PDS5B: variants seen among roughly 807,000 people sequenced by gnomAD.
The protein encoded by PDS5B is PDS5 cohesin associated factor B.
PDS5B carries 51 observed loss-of-function variants against 184.1 expected under a neutral mutation model. The ratio of observed to expected loss-of-function variants is 0.28; its 90% confidence interval spans 0.22 to 0.35. The LOEUF is 0.35. PDS5B is among the 10% of genes least tolerant of loss of function. PDS5B has a pLI of 1.00. For missense variants in PDS5B, 1,180 were observed against 1,723.3 expected, an observed-to-expected ratio of 0.68 and a Z score of 5.58; for synonymous variants, 566 against 569.2, an observed-to-expected ratio of 0.99 and a Z score of 0.08.
rs1954923318 is a variant in PDS5B at position 32,775,315 on chromosome 13, TTTTC to T, written c.*267_*270del. The T allele has an allele frequency of 2.2e-6, 1 of 451,020 alleles. No homozygotes were observed. Among genetic ancestry groups the T allele is most frequent in the Admixed American group, 3.9e-5 (1 of 25,828 alleles). The allele number at this position is 451,020 out of a possible 1,614,324, so 27.9% of individuals were successfully genotyped here. A position where few individuals can be genotyped will look rare whatever the true frequency, so the allele number is the denominator to read the frequency against. On this transcript the variant is annotated 3_prime_UTR_variant, in exon 35 of 35. Transcript: ENST00000315596. ...TAAAGAAGAAACTTGTAAATATCTT[TTTTC>T]TTTTTTTTAATGTTTCTGATTTCTG...
chr13:32,632,960 G>C (rs958531823), intron 1 of PDS5B, among the ~76,000 whole-genome samples: 6 of 152,136 alleles, frequency 3.9e-5, no homozygotes, highest in African/African-American at 1.4e-4. Context: ...AATTAGCCAG[G>C]CGTGGTGGCG....
At chr13:32,597,599 AG>A (rs1257671734) in intron 1 of PDS5B, among the ~76,000 whole-genome samples, 4 of 137,672 alleles carry the variant, frequency 2.9e-5, no homozygotes, top group African/African-American at 8.1e-5. Flanking sequence ...GCTGAGGCCG[AG>A]GGGGGGGCGG....
At chr13:32,713,824 G>GA in intron 19 of PDS5B, among the ~76,000 whole-genome samples, 1 of 152,212 alleles carries the variant, frequency 6.6e-6, no homozygotes, top group Non-Finnish European at 1.5e-5. Flanking sequence ...AAAATATACT[G>GA]GTGCAGTTTG....
chr13:32,757,991 C>T (rs1593621035), intron 26 of PDS5B, 96 bp from the exon 27 acceptor site: 16 of 443,538 alleles, frequency 3.6e-5, no homozygotes, highest in South Asian at 9.7e-5. Flanking sequence ...GTTATATTAT[C>T]TAGGTTTGTT....
At chr13:32,706,762 G>A (rs549080185) in intron 17 of PDS5B, among the ~76,000 whole-genome samples, 172 bp from the exon 18 acceptor site, 1 of 152,262 alleles carries the variant, frequency 6.6e-6, no homozygotes, top group East Asian at 1.9e-4. Context: ...TTGAAAAGAA[G>A]CATCTGAAAA....
intron 19 of PDS5B, among the ~76,000 whole-genome samples, chr13:32,714,781 A>G (rs912648027): frequency 7.9e-5 from 12 of 152,184 alleles, no homozygotes; most frequent in African/African-American, 2.4e-4. Context: ...CCCACATTTC[A>G]TATTGCTCAA....
intron 28 of PDS5B, 88 bp downstream of exon 28, chr13:32,758,741 A>G: frequency 7.6e-7 from 1 of 1,314,380 alleles, no homozygotes; most frequent in East Asian, 2.3e-5. Context: ...GATCATGGAA[A>G]AATTGCTGTG....
At chr13:32,591,540 T>G (rs999160314) in intron 1 of PDS5B, among the ~76,000 whole-genome samples, 2 of 152,222 alleles carry the variant, frequency 1.3e-5, no homozygotes, top group African/African-American at 4.8e-5. Context: ...ATAACATAAT[T>G]TATTTTTTCT....
At chr13:32,589,689 A>G (rs1402454272) in intron 1 of PDS5B, among the ~76,000 whole-genome samples, 2 of 152,216 alleles carry the variant, frequency 1.3e-5, no homozygotes, top group Non-Finnish European at 2.9e-5. Context: ...TTCTAGTTAC[A>G]ATAGGCGTTT....
intron 22 of PDS5B, among the ~76,000 whole-genome samples, chr13:32,742,363 T>C (rs1327575656): frequency 3.9e-5 from 6 of 152,192 alleles, no homozygotes; most frequent in South Asian, 2.1e-4. Flanking sequence ...GGAAACATTT[T>C]AAAACAGCAA....
At chr13:32,701,301 A>G (rs148629218) in intron 16 of PDS5B, 22 bp from the exon 17 acceptor site, 52 of 1,217,992 alleles carry the variant, frequency 4.3e-5, no homozygotes, top group Non-Finnish European at 5.9e-5. Flanking sequence ...CTTTTGTAAT[A>G]CTGAAATAAT....
Position 32,697,477 on chromosome 13 carries a change from G to C in PDS5B, c.1600+575G>C, listed in dbSNP as rs370197450. Reference sequence around the variant, plus strand: ...TGAACTTCCACTTGGTGATAATGAAGAGATCTTAAGATGGATCTGAGATGC... The same window carrying C: ...TGAACTTCCACTTGGTGATAATGAACAGATCTTAAGATGGATCTGAGATGC... On this transcript the variant is annotated intron_variant, in intron 15 of 34. Coordinates refer to ENST00000315596, the MANE Select transcript of PDS5B (RefSeq NM_015032.4). 6.4e-4 allele frequency among the ~76,000 whole-genome samples: 98 copies of C among 152,260 alleles called. 4 individuals carry two copies. In the South Asian group the frequency reaches 0.019, roughly 29 times the overall value.
intron 1 of PDS5B, among the ~76,000 whole-genome samples, chr13:32,601,587 C>T (rs1373286375): frequency 6.6e-6 from 1 of 152,208 alleles, no homozygotes; most frequent in Non-Finnish European, 1.5e-5. Flanking sequence ...TATCATTTTT[C>T]AGCTGTCTTT....
At chr13:32,587,833 T>C (rs1358035284) in intron 1 of PDS5B, among the ~76,000 whole-genome samples, 2 of 152,258 alleles carry the variant, frequency 1.3e-5, no homozygotes, top group Non-Finnish European at 2.9e-5. Flanking sequence ...TGAAATAGTT[T>C]CGAAAACTTT....
At chr13:32,637,244 T>G (rs369741907) in intron 1 of PDS5B, among the ~76,000 whole-genome samples, 106,973 of 151,812 alleles carry the variant, frequency 0.7, 38,253 homozygotes, top group African/African-American at 0.83. Flanking sequence ...TTTGAAGTAA[T>G]GTAAATGATT....
chr13:32,660,545 C>G lies in PDS5B; in HGVS notation c.624+1265C>G, dbSNP rs1950615588. On this transcript the variant is annotated intron_variant, in intron 6 of 34. Coordinates refer to ENST00000315596, the MANE Select transcript of PDS5B (RefSeq NM_015032.4). ...CTGACTGGACTCTCAGCCTAGCTCTCTGGAACCCTCAACCACTTGTCAACT... is the reference window on the plus strand; with the variant it reads ...CTGACTGGACTCTCAGCCTAGCTCTGTGGAACCCTCAACCACTTGTCAACT... Among the ~76,000 whole-genome samples the G allele has an allele frequency of 3.3e-5, 5 of 152,194 alleles. No individual in the cohort carries two copies. In the South Asian group the frequency reaches 1.0e-3, roughly 31 times the overall value.
At chr13:32,704,352 A>G (rs1951946183) in intron 17 of PDS5B, among the ~76,000 whole-genome samples, 1 of 152,158 alleles carries the variant, frequency 6.6e-6, no homozygotes, top group Admixed American at 6.5e-5. Flanking sequence ...TATTTTTAGT[A>G]GAAATGGGGT....
chr13:32,727,996 CATTTT>C (rs1952969501), intron 19 of PDS5B, among the ~76,000 whole-genome samples: 1 of 151,652 alleles, frequency 6.6e-6, no homozygotes, highest in African/African-American at 2.4e-5. Context: ...TTTTCTCTCT[CATTTT>C]ATTTTGATAG....
chr13:32,606,003 G>A (rs1300672340), intron 1 of PDS5B, among the ~76,000 whole-genome samples: 4 of 151,846 alleles, frequency 2.6e-5, no homozygotes, highest in Admixed American at 6.6e-5. Flanking sequence ...CATACTGATG[G>A]GTCTTGACTC....
Sources: gnomAD v4.1 joint callset for allele counts (sites outside exome capture counted in the v4.1 genomes callset) on GRCh38, gnomAD v4.1.1 for gene constraint, MANE v1.5 for transcripts, NCBI Gene and HGNC (gene_info 2026-07-23, HGNC 2026-07-21) for gene names.